SAMD13: variants seen among roughly 807,000 people sequenced by gnomAD.
SAMD13 encodes the protein sterile alpha motif domain-containing protein 13.
A neutral mutation model predicts 12.4 loss-of-function variants in SAMD13; 9 were observed. That is an observed-to-expected ratio of 0.72 (90% CI 0.44 to 1.26). The LOEUF (loss-of-function observed/expected upper bound fraction) is 1.26, where lower values mean the gene tolerates loss of function less well. Among genes scored for constraint, SAMD13 ranks in the 50% most tolerant of loss-of-function variants. The pLI is 0.00. For missense variants in SAMD13, 84 were observed against 119.6 expected (o/e 0.70, Z 1.39); for synonymous variants, 46 against 45.4 (o/e 1.01, Z -0.05).
chr1:84,331,354 A>AAAAAAAAAAAAC (rs553761794), intron 3 of SAMD13, among the ~76,000 whole-genome samples: 2 of 82,432 alleles, frequency 2.4e-5, no homozygotes, highest in African/African-American at 4.3e-5. Context: ...AAAAAAAAAA[A>AAAAAAAAAAAAC]AAAATTATGG....
intron 2 of SAMD13, among the ~76,000 whole-genome samples, chr1:84,314,385 T>A (rs1287194607): frequency 6.6e-6 from 1 of 152,214 alleles, no homozygotes; most frequent in Non-Finnish European, 1.5e-5. Flanking sequence ...GAAGTAACTA[T>A]GTGCATGATC....
chr1:84,306,957 T>G (rs1186238587), intron 2 of SAMD13, among the ~76,000 whole-genome samples: 1 of 152,080 alleles, frequency 6.6e-6, no homozygotes, highest in Admixed American at 6.5e-5. Flanking sequence ...TCTTTTTTTC[T>G]GTATACTTTT....
chr1:84,339,200 G>A (rs549357397), intron 3 of SAMD13, among the ~76,000 whole-genome samples: 2 of 152,296 alleles, frequency 1.3e-5, no homozygotes, highest in African/African-American at 4.8e-5. Context: ...CAGTCATTTG[G>A]AGATAAGAAG....
chr1:84,330,866 A>G (rs1679165070), intron 3 of SAMD13, among the ~76,000 whole-genome samples: 1 of 152,218 alleles, frequency 6.6e-6, no homozygotes, highest in Non-Finnish European at 1.5e-5. Flanking sequence ...TTCTAGAACA[A>G]TATGTATCTC....
At chr1:84,331,169 G>T (rs1230704339) in intron 3 of SAMD13, among the ~76,000 whole-genome samples, 1 of 151,860 alleles carries the variant, frequency 6.6e-6, no homozygotes, top group African/African-American at 2.4e-5. Context: ...GAATTGTAGG[G>T]TGGGGATGCC....
chr1:84,301,472 C>G (rs1678454215), upstream of SAMD13: 1 of 264,650 alleles, frequency 3.8e-6, no homozygotes, highest in South Asian at 1.4e-4. Flanking sequence ...GCTTGTTTTT[C>G]TTTGTACAAG....
At chr1:84,316,046 A>G (rs1296299519) in intron 2 of SAMD13, among the ~76,000 whole-genome samples, 1 of 151,994 alleles carries the variant, frequency 6.6e-6, no homozygotes, top group East Asian at 1.9e-4. Flanking sequence ...ATGTCCTTCG[A>G]CCATTTTTTC....
intron 3 of SAMD13, among the ~76,000 whole-genome samples, chr1:84,328,661 A>G (rs149115891): frequency 2.4e-3 from 360 of 152,264 alleles, no homozygotes; most frequent in African/African-American, 8.2e-3. Flanking sequence ...TCATCACACT[A>G]CAGAGGGCAT....
intron 3 of SAMD13, among the ~76,000 whole-genome samples, chr1:84,342,184 C>T (rs1459072318): frequency 6.6e-6 from 1 of 152,154 alleles, no homozygotes; most frequent in Non-Finnish European, 1.5e-5. Flanking sequence ...TTCAAAGAAG[C>T]CTGGGAAATC....
chr1:84,324,325 C>T (rs1396797262), intron 2 of SAMD13, among the ~76,000 whole-genome samples: 1 of 152,132 alleles, frequency 6.6e-6, no homozygotes, highest in East Asian at 1.9e-4. Flanking sequence ...CTGCATGGCT[C>T]CCTTGGCTGT....
intron 3 of SAMD13, among the ~76,000 whole-genome samples, chr1:84,338,632 T>C (rs1679354740): frequency 6.6e-6 from 1 of 151,914 alleles, no homozygotes; most frequent in African/African-American, 2.4e-5. Context: ...GAGACAGGGT[T>C]TCACCACATT....
chr1:84,344,877 A>T (rs762931995), intron 3 of SAMD13: 1 of 456,564 alleles, frequency 2.2e-6, no homozygotes, highest in Admixed American at 2.3e-5. Context: ...TGAGTATGAC[A>T]AGTCCAGAAG....
At chr1:84,304,488 T>G (rs1223711642) in intron 2 of SAMD13, among the ~76,000 whole-genome samples, 1 of 152,176 alleles carries the variant, frequency 6.6e-6, no homozygotes, top group Non-Finnish European at 1.5e-5. Context: ...TAATTGTAAT[T>G]AGTTTTAAAA....
chr1:84,305,737 A>G (rs1678553883), intron 2 of SAMD13, among the ~76,000 whole-genome samples: 1 of 152,128 alleles, frequency 6.6e-6, no homozygotes, highest in Non-Finnish European at 1.5e-5. Context: ...TAGTGGTGCT[A>G]TGGATATCCA....
chr1:84,318,790 G>C, intron 2 of SAMD13, among the ~76,000 whole-genome samples: 1 of 151,986 alleles, frequency 6.6e-6, no homozygotes, highest in Non-Finnish European at 1.5e-5. Context: ...TCTGATATAT[G>C]GTCTCATGAT....
chr1:84,336,484 G>A (rs987740803), intron 3 of SAMD13, among the ~76,000 whole-genome samples: 1 of 152,126 alleles, frequency 6.6e-6, no homozygotes, highest in Non-Finnish European at 1.5e-5. Flanking sequence ...AAAAGAGAGA[G>A]AGCTTTTGAG....
intron 3 of SAMD13, among the ~76,000 whole-genome samples, chr1:84,330,237 C>A (rs1466774863): frequency 1.3e-5 from 2 of 152,190 alleles, no homozygotes; most frequent in Non-Finnish European, 2.9e-5. Flanking sequence ...AAACAGAATA[C>A]TGCTCAAGCT....
chr1:84,325,623 T>G lies in SAMD13; in HGVS notation c.54-14T>G. The G allele has an allele frequency of 1.3e-6, 2 of 1,501,594 alleles. No individual in the cohort carries two copies. Among genetic ancestry groups the G allele is most frequent in the Non-Finnish European group, 1.9e-6 (2 of 1,077,910 alleles). 93.0% of individuals were successfully genotyped at this position (1,501,594 alleles called of 1,614,324 possible). A position where few individuals can be genotyped will look rare whatever the true frequency, so the allele number is the denominator to read the frequency against. The stretch of plus-strand genomic sequence containing the variant: ...GGCACTGCCATGACAACTGTCTGGA[T>G]TTGTGTTTTGCAGTTCCATGGAAAA... On this transcript the variant is annotated splice_polypyrimidine_tract_variant and intron_variant, in intron 2 of 3. Transcript: ENST00000394834.
intron 1 of SAMD13, 183 bp from the exon 2 acceptor site, chr1:84,303,020 G>A (rs368823984): frequency 1.5e-4 from 77 of 506,686 alleles, no homozygotes; most frequent in South Asian, 1.5e-3. Context: ...ACCCCAATCC[G>A]TCTCCTCCAG....
Sources: gnomAD v4.1 joint callset for allele counts (sites outside exome capture counted in the v4.1 genomes callset) on GRCh38, gnomAD v4.1.1 for gene constraint, MANE v1.5 for transcripts, NCBI Gene and HGNC (gene_info 2026-07-23, HGNC 2026-07-21) for gene names.